Variants in CREB5 observed in about 807,000 individuals in gnomAD.
CREB5 encodes cAMP responsive element binding protein 5, also known as cyclic AMP-responsive element-binding protein 5.
Under a neutral mutation model 57.1 loss-of-function variants are expected in CREB5, and 19 were observed. The observed-to-expected ratio is 0.33, with a 90% confidence interval of 0.23 to 0.49. CREB5 has a LOEUF of 0.49. Ranked by LOEUF, CREB5 falls within the 20% of genes least tolerant of loss-of-function variation. CREB5 has a pLI of 0.99. For missense variants in CREB5, 579 were observed against 671.6 expected (o/e 0.86, Z 1.52); for synonymous variants, 238 against 238.3 (o/e 1.00, Z 0.01).
chr7:28,341,135 G>T (rs913973547), intron 1 of CREB5, among the ~76,000 whole-genome samples: 9 of 152,068 alleles, frequency 5.9e-5, no homozygotes, highest in African/African-American at 2.2e-4. Flanking sequence ...TGCTTTGTTG[G>T]GTAGATAGTT....
At chr7:28,564,988 C>T (rs530529315) in intron 4 of CREB5, among the ~76,000 whole-genome samples, 1 of 152,280 alleles carries the variant, frequency 6.6e-6, no homozygotes, top group East Asian at 1.9e-4. Context: ...GTCCAGCCCC[C>T]TCCTTTAATG....
chr7:28,339,145 G>T (rs574364039), intron 1 of CREB5, among the ~76,000 whole-genome samples: 2 of 152,068 alleles, frequency 1.3e-5, no homozygotes, highest in Non-Finnish European at 2.9e-5. Context: ...TTCATTTGGT[G>T]AGGTCATGTT....
intron 1 of CREB5, among the ~76,000 whole-genome samples, chr7:28,378,975 C>A (rs946678137): frequency 6.6e-6 from 1 of 152,168 alleles, no homozygotes; most frequent in African/African-American, 2.4e-5. Context: ...ATTTGAGGAA[C>A]CTGTGCTGGC....
intron 4 of CREB5, among the ~76,000 whole-genome samples, chr7:28,538,782 T>C (rs1373599550): frequency 2.8e-5 from 4 of 144,470 alleles, no homozygotes; most frequent in African/African-American, 1.2e-4. Flanking sequence ...ACAAATTTGA[T>C]ATATTATGTT....
intron 1 of CREB5, among the ~76,000 whole-genome samples, chr7:28,358,975 C>T (rs1786403863): frequency 2.0e-5 from 3 of 152,172 alleles, no homozygotes; most frequent in Admixed American, 6.5e-5. Flanking sequence ...CTTTTCCCCT[C>T]TCCTTTCTTT....
Position 28,717,086 on chromosome 7 carries a change from C to CTTTTTTTT in CREB5, c.465-1655_465-1648dup, listed in dbSNP as rs5883165. On this transcript the variant is annotated intron_variant, in intron 5 of 10. Transcript: ENST00000357727. Reference sequence around the variant, plus strand: ...AATCTCTGCGGAAAGGCTTTATATTCTTTTTTTTTTTTTTTTTTTGAGATG... The same window carrying CTTTTTTTT: ...AATCTCTGCGGAAAGGCTTTATATTCTTTTTTTTTTTTTTTTTTTTTTTTTTTGAGATG... 2.7e-3 allele frequency among the ~76,000 whole-genome samples: 301 copies of CTTTTTTTT among 110,202 alleles called. 9 individuals carry two copies. The highest frequency in any genetic ancestry group is 5.1e-3 in the African/African-American group (144 of 27,988). The allele number at this position is 110,202 out of a possible 152,430, so 72.3% of individuals were successfully genotyped here. A position where few individuals can be genotyped will look rare whatever the true frequency, so the allele number is the denominator to read the frequency against.
intron 5 of CREB5, among the ~76,000 whole-genome samples, chr7:28,601,300 C>T (rs1796911014): frequency 6.6e-6 from 1 of 151,804 alleles, no homozygotes; most frequent in Non-Finnish European, 1.5e-5. Context: ...TCCATAAAGG[C>T]AAGAGTATTT....
chr7:28,368,749 A>G (rs910548752), intron 1 of CREB5, among the ~76,000 whole-genome samples: 23 of 152,342 alleles, frequency 1.5e-4, no homozygotes, highest in African/African-American at 4.8e-4. Flanking sequence ...ATATTCTACT[A>G]GAAATTGATT....
rs1265387681 is a variant in CREB5 at position 28,427,857 on chromosome 7, C to A, written c.3+14940C>A. Among the ~76,000 whole-genome samples the A allele has an allele frequency of 2.6e-5, 4 of 152,304 alleles. No individual in the cohort carries two copies. The East Asian group carries it at 7.7e-4, about 29-fold the overall frequency. On this transcript the variant is annotated intron_variant, in intron 1 of 10. Coordinates refer to ENST00000357727, the MANE Select transcript of CREB5 (RefSeq NM_182898.4). ...GGCTATGTGATAACCCAGCCAAGTG[C>A]ATCACTAAAGGTGGATCTTTGCTCT...
At position 28,560,881 on chromosome 7, in the gene CREB5, TGCGTGCGTGTGTGTGCGTGCGC is replaced by T. The variant is rs1463526112; in HGVS notation, c.292-9472_292-9451del. Reference sequence around the variant, plus strand: ...GTGCGTGTGCCTGCGTGCGCGTGCGTGCGTGCGTGTGTGTGCGTGCGCGCGTGCGTGTGCGTGTGTGCGCGTG... The same window carrying T: ...GTGCGTGTGCCTGCGTGCGCGTGCGTGCGTGCGTGTGCGTGTGTGCGCGTG... On this transcript the variant is annotated intron_variant, in intron 4 of 10. Coordinates refer to ENST00000357727, the MANE Select transcript of CREB5 (RefSeq NM_182898.4). Among the ~76,000 whole-genome samples, 3 of 46,206 alleles carry T rather than the reference TGCGTGCGTGTGTGTGCGTGCGC, an allele frequency of 6.5e-5. 1 individual carries two copies. The highest frequency in any genetic ancestry group is 8.1e-5 in the Non-Finnish European group (2 of 24,654). 30.3% of individuals were successfully genotyped at this position (46,206 alleles called of 152,430 possible). A position where few individuals can be genotyped will look rare whatever the true frequency, so the allele number is the denominator to read the frequency against.
chr7:28,606,835 T>G (rs1020194124), intron 5 of CREB5, among the ~76,000 whole-genome samples: 3 of 152,216 alleles, frequency 2.0e-5, no homozygotes, highest in African/African-American at 7.2e-5. Flanking sequence ...TAATTTTTAA[T>G]TGACATGTAA....
intron 1 of CREB5, among the ~76,000 whole-genome samples, chr7:28,342,570 T>A (rs1025245937): frequency 1.3e-5 from 2 of 152,250 alleles, no homozygotes; most frequent in Non-Finnish European, 2.9e-5. Context: ...ATGGCAAGAT[T>A]ATAAAACATA....
chr7:28,315,254 G>A (rs1785355200), intron 1 of CREB5, among the ~76,000 whole-genome samples: 1 of 152,210 alleles, frequency 6.6e-6, no homozygotes, highest in Non-Finnish European at 1.5e-5. Flanking sequence ...TCCCACATAA[G>A]CTGGCATTCC....
At chr7:28,494,222 G>A (rs1791921834) in intron 2 of CREB5, among the ~76,000 whole-genome samples, 1 of 152,094 alleles carries the variant, frequency 6.6e-6, no homozygotes. Flanking sequence ...TTTTGCACAT[G>A]GTTTTCTCAT....
chr7:28,795,469 G>A lies in CREB5; in HGVS notation c.703-8730G>A, dbSNP rs996552388. On this transcript the variant is annotated intron_variant, in intron 7 of 10. Transcript: ENST00000357727. ...ATAATAGAATTGTAAGAAAAGGAGGGTACCAGTATCTGGCAGAGGAGCCAA... is the reference window on the plus strand; with the variant it reads ...ATAATAGAATTGTAAGAAAAGGAGGATACCAGTATCTGGCAGAGGAGCCAA... Among the ~76,000 whole-genome samples the A allele has an allele frequency of 3.3e-5, 5 of 152,164 alleles. 1 individual carries two copies. Among genetic ancestry groups the A allele is most frequent in the South Asian group, 4.1e-4 (2 of 4,822 alleles).
intron 7 of CREB5, among the ~76,000 whole-genome samples, chr7:28,734,481 T>C (rs543951429): frequency 8.4e-4 from 128 of 152,236 alleles, no homozygotes; most frequent in Non-Finnish European, 2.5e-4. Context: ...GAAAACATTT[T>C]AATAATTATC....
intron 5 of CREB5, among the ~76,000 whole-genome samples, chr7:28,712,786 G>A (rs560543469): frequency 1.1e-3 from 170 of 151,746 alleles, no homozygotes; most frequent in African/African-American, 3.9e-3. Flanking sequence ...CGCCTGTCTC[G>A]TCCTCCCAAA....
chr7:28,558,682 G>C (rs886466393), intron 4 of CREB5, among the ~76,000 whole-genome samples: 2 of 152,154 alleles, frequency 1.3e-5, no homozygotes, highest in Non-Finnish European at 2.9e-5. Context: ...GCTGAGAAAG[G>C]GGGGCTTGGG....
chr7:28,568,617 A>G (rs1795574126), intron 4 of CREB5, among the ~76,000 whole-genome samples: 1 of 152,196 alleles, frequency 6.6e-6, no homozygotes, highest in African/African-American at 2.4e-5. Context: ...CCCACATCAG[A>G]AAAATTTTCC....
Sources: gnomAD v4.1 joint callset for allele counts (sites outside exome capture counted in the v4.1 genomes callset) on GRCh38, gnomAD v4.1.1 for gene constraint, MANE v1.5 for transcripts, NCBI Gene and HGNC (gene_info 2026-07-23, HGNC 2026-07-21) for gene names.